Variants in XRRA1 observed in about 807,000 individuals in gnomAD.
XRRA1 encodes the protein X-ray radiation resistance associated 1.
Under a neutral mutation model 80.2 loss-of-function variants are expected in XRRA1, and 69 were observed. That is an observed-to-expected ratio of 0.86 (90% CI 0.71 to 1.05). XRRA1 has a LOEUF of 1.05. Ranked by LOEUF, XRRA1 falls within the 50% of genes least tolerant of loss-of-function variation. The pLI, the probability that XRRA1 is intolerant of heterozygous loss-of-function variation, is 0.00. For missense variants in XRRA1, 967 were observed against 976.4 expected (o/e 0.99, Z 0.13); for synonymous variants, 348 against 389.9 (o/e 0.89, Z 1.27).
intron 5 of XRRA1, chr11:74,933,599 A>G: frequency 1.8e-6 from 1 of 545,902 alleles, no homozygotes; most frequent in South Asian, 2.3e-5. Context: ...GGACAAGGGC[A>G]ATATAAAATT....
intron 3 of XRRA1, among the ~76,000 whole-genome samples, chr11:74,938,915 C>G (rs1945701153): frequency 6.6e-6 from 1 of 152,150 alleles, no homozygotes; most frequent in Admixed American, 6.6e-5. Context: ...TCCTGTTTAT[C>G]TACTACCAGT....
At chr11:74,930,277 C>T in intron 6 of XRRA1, 23 bp downstream of exon 6, 1 of 1,544,160 alleles carries the variant, frequency 6.5e-7, no homozygotes, top group Middle Eastern at 1.7e-4. Flanking sequence ...AGGAAGAGAG[C>T]TTTCAAGAAA....
chr11:74,921,123 C>A, intron 8 of XRRA1, 91 bp downstream of exon 8: 1 of 1,525,162 alleles, frequency 6.6e-7, no homozygotes, highest in Non-Finnish European at 8.9e-7. Flanking sequence ...CACTTACAGC[C>A]TATCTTTATG....
chr11:74,911,441 T>A (rs892056904), intron 8 of XRRA1: 6 of 152,194 alleles, frequency 3.9e-5, no homozygotes, highest in African/African-American at 1.2e-4. Context: ...AATACATTTA[T>A]TCTCCCCCTC....
At chr11:74,853,291 G>A (rs2040336000) in intron 12 of XRRA1, among the ~76,000 whole-genome samples, 1 of 152,308 alleles carries the variant, frequency 6.6e-6, no homozygotes, top group Admixed American at 6.5e-5. Context: ...AACGCAGTGA[G>A]GCATGGAGTG....
chr11:74,878,092 G>GT (rs2046517087), intron 10 of XRRA1, among the ~76,000 whole-genome samples: 1 of 151,054 alleles, frequency 6.6e-6, no homozygotes, highest in Admixed American at 6.6e-5. Context: ...GTGTAAAAGT[G>GT]TTCCTATTTC....
chr11:74,922,896 G>GTCA (rs140988206), intron 7 of XRRA1, among the ~76,000 whole-genome samples: 3,450 of 152,152 alleles, frequency 0.023, 145 homozygotes, highest in African/African-American at 0.078. Flanking sequence ...AATGTTGGCT[G>GTCA]TCATCATCAT....
rs763371876 is a variant in XRRA1 at position 74,843,806 on chromosome 11, C to T, written c.2149+48G>A. On this transcript the variant is annotated intron_variant, in intron 18 of 18. Transcript: ENST00000684022. ...AAGCCCTTTCTTTGCCTTTAGCCAG[C>T]AGGCGTGAACTGGATCTGGGATCCT... 125 of 1,514,076 alleles carry T rather than the reference C, an allele frequency of 8.3e-5. No individual in the cohort carries two copies. In the East Asian group the frequency reaches 2.8e-3, roughly 34 times the overall value. 93.8% of individuals were successfully genotyped at this position (1,514,076 alleles called of 1,614,324 possible). A position where few individuals can be genotyped will look rare whatever the true frequency, so the allele number is the denominator to read the frequency against.
intron 11 of XRRA1, among the ~76,000 whole-genome samples, chr11:74,861,549 A>G (rs1309046104): frequency 1.4e-5 from 2 of 140,942 alleles, no homozygotes; most frequent in African/African-American, 5.3e-5. Flanking sequence ...CAAGGCTCCC[A>G]CTGATTCTAC....
intron 7 of XRRA1, among the ~76,000 whole-genome samples, chr11:74,924,331 G>A (rs561536325): frequency 2.6e-5 from 4 of 151,218 alleles, no homozygotes; most frequent in Non-Finnish European, 4.4e-5. Context: ...AAAATTAGCC[G>A]GGCATGGTGG....
intron 7 of XRRA1, among the ~76,000 whole-genome samples, chr11:74,921,872 TG>T (rs1940906901): frequency 6.6e-6 from 1 of 152,174 alleles, no homozygotes; most frequent in African/African-American, 2.4e-5. Flanking sequence ...AACTGGTACT[TG>T]GAAGACTGTG....
In XRRA1 at chr11:74,843,085, T is replaced by C; in HGVS notation, c.*115A>G. On this transcript the variant is annotated 3_prime_UTR_variant, in exon 19 of 19. Transcript: ENST00000684022. ...TTGTGGCCAGCAAGTGGGGCCCAGCTGAGCTCTGAGGCCTGTGGCCGGCTG... is the reference window on the plus strand; with the variant it reads ...TTGTGGCCAGCAAGTGGGGCCCAGCCGAGCTCTGAGGCCTGTGGCCGGCTG... 2 of 1,375,862 alleles carry C rather than the reference T, an allele frequency of 1.5e-6. No individual in the cohort carries two copies. The highest frequency in any genetic ancestry group is 3.0e-5 in the South Asian group (2 of 66,902). 85.2% of individuals were successfully genotyped at this position (1,375,862 alleles called of 1,614,324 possible). A position where few individuals can be genotyped will look rare whatever the true frequency, so the allele number is the denominator to read the frequency against.
intron 10 of XRRA1, among the ~76,000 whole-genome samples, chr11:74,871,035 C>T (rs979887677): frequency 1.6e-4 from 25 of 152,186 alleles, no homozygotes; most frequent in Admixed American, 3.3e-4. Context: ...CAGTATAGAG[C>T]TCAACCCAGT....
At chr11:74,945,123 T>C (rs1947225051) in intron 1 of XRRA1, 38 bp from the exon 2 acceptor site, 1 of 152,634 alleles carries the variant, frequency 6.6e-6, no homozygotes, top group African/African-American at 2.4e-5. Context: ...TAGCCTGCTA[T>C]TCAGAGCTCT....
chr11:74,919,856 G>T, intron 8 of XRRA1: 1 of 416,008 alleles, frequency 2.4e-6, no homozygotes. Context: ...CAGTTGTCCA[G>T]AGAATATAAT....
chr11:74,858,026 A>G (rs995107681), intron 12 of XRRA1, among the ~76,000 whole-genome samples: 3 of 152,254 alleles, frequency 2.0e-5, no homozygotes, highest in Non-Finnish European at 4.4e-5. Flanking sequence ...TCAATTAACT[A>G]AAGTTATACT....
Position 74,843,640 on chromosome 11 carries a change from ATCTT to A in XRRA1, c.2150-191_2150-188del. 4.6e-6 allele frequency: 4 copies of A among 870,172 alleles called. No individual in the cohort carries two copies. The South Asian group carries it at 5.3e-5, about 12-fold the overall frequency. The allele number at this position is 870,172 out of a possible 1,614,324, so 53.9% of individuals were successfully genotyped here. A position where few individuals can be genotyped will look rare whatever the true frequency, so the allele number is the denominator to read the frequency against. ...CCTACTGCCCCTATGCATTGACTCT[ATCTT>A]AAGCCCTGGTTCAGGACCTTAACAT... On this transcript the variant is annotated intron_variant, in intron 18 of 18. Coordinates refer to ENST00000684022, the MANE Select transcript of XRRA1 (RefSeq NM_001378157.1).
intron 13 of XRRA1, among the ~76,000 whole-genome samples, chr11:74,851,442 G>T (rs767334896): frequency 1.3e-5 from 2 of 152,154 alleles, no homozygotes; most frequent in Admixed American, 6.5e-5. Context: ...AGATAATAAA[G>T]ATAGTGTGGA....
At chr11:74,858,055 AGAG>A (rs1370238080) in intron 12 of XRRA1, among the ~76,000 whole-genome samples, 3 of 152,224 alleles carry the variant, frequency 2.0e-5, no homozygotes, top group Non-Finnish European at 2.9e-5. Flanking sequence ...TGCGAGAAAA[AGAG>A]GAGCAAATTA....
Sources: gnomAD v4.1 joint callset for allele counts (sites outside exome capture counted in the v4.1 genomes callset) on GRCh38, gnomAD v4.1.1 for gene constraint, MANE v1.5 for transcripts, NCBI Gene and HGNC (gene_info 2026-07-23, HGNC 2026-07-21) for gene names.